Variants in USP15 observed in about 807,000 individuals in gnomAD.
USP15 encodes the protein ubiquitin specific peptidase 15.
In USP15, 18 loss-of-function variants were observed where a neutral mutation model predicts 127.1. The observed-to-expected ratio is 0.14, with a 90% CI of 0.10 to 0.21. The LOEUF (loss-of-function observed/expected upper bound fraction) is 0.21, where lower values mean the gene tolerates loss of function less well. Among genes scored for constraint, USP15 ranks in the 10% least tolerant of loss-of-function variants. USP15 has a pLI of 1.00. For synonymous variants in USP15, 364 were observed against 393.7 expected, an observed-to-expected ratio of 0.92 and a Z score of 0.89; for missense variants, 805 against 1,159.9, an observed-to-expected ratio of 0.69 and a Z score of 4.44.
At chr12:62,328,892 A>C (rs1264746347) in intron 6 of USP15, among the ~76,000 whole-genome samples, 1 of 152,230 alleles carries the variant, frequency 6.6e-6, no homozygotes, top group African/African-American at 2.4e-5. Context: ...AACTTGGTAT[A>C]TGATGTGGCA....
chr12:62,342,180 C>G (rs930297675), intron 6 of USP15, among the ~76,000 whole-genome samples: 8 of 151,886 alleles, frequency 5.3e-5, no homozygotes, highest in African/African-American at 1.9e-4. Flanking sequence ...CTGTGGTATC[C>G]TTTCTTCCGC....
chr12:62,400,132 G>T (rs1369181819), intron 20 of USP15, among the ~76,000 whole-genome samples: 1 of 152,130 alleles, frequency 6.6e-6, no homozygotes, highest in Non-Finnish European at 1.5e-5. Flanking sequence ...TGGAAACATT[G>T]TGCAACTTTA....
chr12:62,393,231 T>C, intron 19 of USP15, 29 bp downstream of exon 19: 1 of 1,591,254 alleles, frequency 6.3e-7, no homozygotes, highest in Non-Finnish European at 8.6e-7. Context: ...TTATAAGCAT[T>C]GGGCAACTCT....
At chr12:62,304,929 A>G in intron 3 of USP15, 1 of 236,844 alleles carries the variant, frequency 4.2e-6, no homozygotes, top group African/African-American at 2.3e-5. Flanking sequence ...TATGGATTTA[A>G]TGTTTGGGAA....
intron 7 of USP15, among the ~76,000 whole-genome samples, chr12:62,353,988 C>T (rs548087358): frequency 7.7e-4 from 117 of 151,944 alleles, no homozygotes; most frequent in Middle Eastern, 3.4e-3. Flanking sequence ...ATTATTTTTT[C>T]AGAGTTGAGG....
rs1393297173 is a variant in USP15 at position 62,294,202 on chromosome 12, T to G, written c.113T>G (p.Phe38Cys). 6.2e-7 allele frequency: 1 copy of G among 1,613,594 alleles called. No individual in the cohort carries two copies. The highest frequency in any genetic ancestry group is 2.2e-5 in the East Asian group (1 of 44,764). Residue 38 changes from phenylalanine (F) to cysteine (C), a missense_variant, in exon 2 of 22, where the codon TTC (phenylalanine) becomes TGC (cysteine). Around this residue, in one of 11 missense-constraint regions of USP15, gnomAD observed 69 missense variants for 126.4 expected, o/e 0.55. Coordinates refer to ENST00000280377, the MANE Select transcript of USP15 (RefSeq NM_001252078.2). The part of the protein sequence containing the change: ...DTWYLVDSRW[F>C]KQWKKYVGFD... Reference sequence around the variant, plus strand: ...AGGTACCTAGTCGATAGTCGCTGGTTCAAACAGTGGAAAAAATATGTTGGC... The same window carrying G: ...AGGTACCTAGTCGATAGTCGCTGGTGCAAACAGTGGAAAAAATATGTTGGC...
chr12:62,374,027 A>G (rs963295763), intron 8 of USP15, among the ~76,000 whole-genome samples: 6 of 152,006 alleles, frequency 3.9e-5, no homozygotes, highest in African/African-American at 1.4e-4. Context: ...TTGGAATCAT[A>G]CAGTACCTTT....
intron 8 of USP15, among the ~76,000 whole-genome samples, chr12:62,373,300 A>G (rs1174819928): frequency 1.4e-5 from 2 of 140,832 alleles, no homozygotes; most frequent in African/African-American, 5.3e-5. Flanking sequence ...GATGAGGGCA[A>G]AAAAGGATTG....
At chr12:62,277,807 G>T (rs145563448) in intron 1 of USP15, among the ~76,000 whole-genome samples, 11 of 152,290 alleles carry the variant, frequency 7.2e-5, no homozygotes, top group Non-Finnish European at 1.2e-4. Flanking sequence ...TGGGCCTCAG[G>T]TTGGACAAGC....
chr12:62,319,827 T>C (rs1022094947), intron 4 of USP15, among the ~76,000 whole-genome samples: 6 of 152,222 alleles, frequency 3.9e-5, no homozygotes, highest in Admixed American at 3.9e-4. Context: ...ACATTTTATT[T>C]ATATTTGTCA....
chr12:62,361,920 C>T (rs551873183), intron 8 of USP15, among the ~76,000 whole-genome samples: 1 of 152,136 alleles, frequency 6.6e-6, no homozygotes, highest in Non-Finnish European at 1.5e-5. Context: ...AAATCAATTA[C>T]TAGTTCTCAT....
At chr12:62,274,328 A>G (rs188935420) in intron 1 of USP15, 2 of 152,146 alleles carry the variant, frequency 1.3e-5, no homozygotes, top group Admixed American at 6.5e-5. Context: ...TTCAAAAAAT[A>G]AACAAGGTTA....
intron 1 of USP15, among the ~76,000 whole-genome samples, chr12:62,280,893 A>C (rs2063628464): frequency 6.6e-6 from 1 of 152,212 alleles, no homozygotes; most frequent in Admixed American, 6.5e-5. Context: ...TAAGCATTTT[A>C]GACTTCATCC....
At chr12:62,337,721 A>AACATG (rs1416548435) in intron 6 of USP15, among the ~76,000 whole-genome samples, 1 of 150,350 alleles carries the variant, frequency 6.7e-6, no homozygotes, top group African/African-American at 2.5e-5. Context: ...TATGAGTGAG[A>AACATG]ACATGTGGTG....
chr12:62,290,785 T>C (rs925215518), intron 1 of USP15, among the ~76,000 whole-genome samples: 1 of 152,230 alleles, frequency 6.6e-6, no homozygotes. Flanking sequence ...CCCTTGATCA[T>C]TTTTGTAGAG....
chr12:62,326,677 AT>A (rs1422578513), intron 6 of USP15, among the ~76,000 whole-genome samples: 3 of 152,218 alleles, frequency 2.0e-5, no homozygotes, highest in African/African-American at 4.8e-5. Context: ...CTGTGAAAAA[AT>A]TTTTAAGTTT....
intron 1 of USP15, among the ~76,000 whole-genome samples, chr12:62,262,959 G>A (rs2063108685): frequency 6.6e-6 from 1 of 152,192 alleles, no homozygotes; most frequent in Non-Finnish European, 1.5e-5. Flanking sequence ...ACTGGGAGTT[G>A]CAGAAACCAG....
intron 19 of USP15, among the ~76,000 whole-genome samples, chr12:62,394,044 C>A (rs1466876271): frequency 6.6e-6 from 1 of 152,148 alleles, no homozygotes; most frequent in African/African-American, 2.4e-5. Flanking sequence ...ATGGCCATAC[C>A]ACCTTGAACG....
At chr12:62,363,499 C>T (rs969317256) in intron 8 of USP15, among the ~76,000 whole-genome samples, 1 of 152,118 alleles carries the variant, frequency 6.6e-6, no homozygotes, top group Non-Finnish European at 1.5e-5. Context: ...TATTCTTGCA[C>T]TCTCACTTCC....
Sources: gnomAD v4.1 joint callset for allele counts (sites outside exome capture counted in the v4.1 genomes callset) on GRCh38, gnomAD v4.1.1 for gene constraint, gnomAD v4.1.1 regional missense constraint, MANE v1.5 for transcripts, NCBI Gene and HGNC (gene_info 2026-07-23, HGNC 2026-07-21) for gene names.